The following CDH18 variants were observed in gnomAD, a reference collection of about 807,000 sequenced individuals.
The protein encoded by CDH18 is cadherin 18.
In CDH18, 31 loss-of-function variants were observed where a neutral mutation model predicts 67.9. The observed-to-expected ratio is 0.46, with a 90% confidence interval of 0.34 to 0.62. The LOEUF is 0.62. Among genes scored for constraint, CDH18 ranks in the 20% least tolerant of loss-of-function variants. CDH18 has a pLI of 0.01. For synonymous variants in CDH18, 362 were observed against 347.2 expected (o/e 1.04, Z -0.48); for missense variants, 890 against 975.5 (o/e 0.91, Z 1.17).
intron 1 of CDH18, among the ~76,000 whole-genome samples, chr5:20,311,084 AAAAAC>A (rs779090815): frequency 2.0e-5 from 3 of 152,120 alleles, no homozygotes; most frequent in Non-Finnish European, 4.4e-5. Context: ...CTGACCCTTA[AAAAAC>A]AAAACAAAAC....
chr5:19,616,113 TA>T (rs1263077357), intron 5 of CDH18, among the ~76,000 whole-genome samples: 1 of 152,134 alleles, frequency 6.6e-6, no homozygotes, highest in African/African-American at 2.4e-5. Flanking sequence ...TGAAATAAGT[TA>T]GGGGAAAATG....
At chr5:19,522,467 A>T (rs1747055903) in intron 9 of CDH18, among the ~76,000 whole-genome samples, 2 of 152,324 alleles carry the variant, frequency 1.3e-5, no homozygotes, top group East Asian at 3.9e-4. Context: ...AAATAAGGAC[A>T]TACCATCCAG....
intron 3 of CDH18, among the ~76,000 whole-genome samples, chr5:19,824,801 C>G (rs1780241886): frequency 2.0e-5 from 3 of 152,100 alleles, no homozygotes; most frequent in South Asian, 4.1e-4. Flanking sequence ...CCAATCCAAC[C>G]CTGCAACTGG....
At chr5:19,746,155 A>T (rs961675557) in intron 4 of CDH18, among the ~76,000 whole-genome samples, 12 of 152,182 alleles carry the variant, frequency 7.9e-5, no homozygotes, top group African/African-American at 2.7e-4. Context: ...CATCCCATGA[A>T]ATGAAAAATA....
intron 1 of CDH18, among the ~76,000 whole-genome samples, chr5:20,552,517 CTTCT>C (rs1757686181): frequency 1.3e-5 from 2 of 152,024 alleles, no homozygotes; most frequent in Non-Finnish European, 2.9e-5. Context: ...AATTTGTTTA[CTTCT>C]TTCTTCTCTA....
chr5:20,214,466 A>T (rs1453737620), intron 2 of CDH18, among the ~76,000 whole-genome samples: 1 of 152,132 alleles, frequency 6.6e-6, no homozygotes, highest in East Asian at 1.9e-4. Context: ...TCACCAAAAC[A>T]GCATAGTACT....
At chr5:20,101,899 C>T (rs928747370) in intron 2 of CDH18, among the ~76,000 whole-genome samples, 8 of 152,060 alleles carry the variant, frequency 5.3e-5, no homozygotes, top group Non-Finnish European at 2.9e-5. Context: ...TGGTGAAACC[C>T]CGTCTCTACT....
intron 10 of CDH18, among the ~76,000 whole-genome samples, chr5:19,509,174 T>A (rs149224479): frequency 1.3e-5 from 2 of 152,168 alleles, no homozygotes; most frequent in East Asian, 3.9e-4. Flanking sequence ...TGGCCAAGAA[T>A]GTTCTTAACT....
At chr5:19,913,804 C>T (rs552145699) in intron 2 of CDH18, among the ~76,000 whole-genome samples, 6 of 152,092 alleles carry the variant, frequency 3.9e-5, no homozygotes, top group Admixed American at 2.0e-4. Flanking sequence ...ATGATAATTA[C>T]GCCACCATTG....
chr5:19,475,533 A>AACACACAC (rs143709369), intron 12 of CDH18, among the ~76,000 whole-genome samples: 4 of 146,804 alleles, frequency 2.7e-5, no homozygotes, highest in African/African-American at 9.9e-5. Context: ...GACCATCTGC[A>AACACACAC]ACACACACAC....
chr5:20,027,429 G>C (rs1739008361), intron 2 of CDH18, among the ~76,000 whole-genome samples: 1 of 152,164 alleles, frequency 6.6e-6, no homozygotes, highest in Non-Finnish European at 1.5e-5. Flanking sequence ...GGTGACAATT[G>C]GTTATTAAAA....
chr5:19,697,143 CAG>C (rs1245351973), intron 5 of CDH18, among the ~76,000 whole-genome samples: 1 of 152,170 alleles, frequency 6.6e-6, no homozygotes, highest in Non-Finnish European at 1.5e-5. Flanking sequence ...TTAAGAAAAA[CAG>C]AAAATATCTA....
chr5:19,924,397 G>A (rs1792865589), intron 2 of CDH18, among the ~76,000 whole-genome samples: 1 of 152,118 alleles, frequency 6.6e-6, no homozygotes, highest in African/African-American at 2.4e-5. Context: ...AGCACTTTGG[G>A]AGGCTGAGGA....
chr5:20,474,919 C>T (rs1752333414), intron 1 of CDH18, among the ~76,000 whole-genome samples: 2 of 152,068 alleles, frequency 1.3e-5, no homozygotes, highest in Non-Finnish European at 2.9e-5. Context: ...ATTTATTGTG[C>T]TGTCTGCTTA....
At chr5:19,476,088 T>TG (rs1738415440) in intron 12 of CDH18, among the ~76,000 whole-genome samples, 1 of 151,974 alleles carries the variant, frequency 6.6e-6, no homozygotes, top group African/African-American at 2.4e-5. Flanking sequence ...GGATGGTCAC[T>TG]GTGCACTGGG....
intron 2 of CDH18, among the ~76,000 whole-genome samples, chr5:19,958,496 A>T (rs966416540): frequency 3.4e-4 from 52 of 151,878 alleles, no homozygotes; most frequent in South Asian, 4.1e-4. Context: ...ATGAACTGTA[A>T]ATGACCTGTG....
intron 3 of CDH18, among the ~76,000 whole-genome samples, chr5:19,755,468 C>A (rs1771467252): frequency 2.8e-5 from 1 of 35,426 alleles, no homozygotes; most frequent in African/African-American, 4.8e-5. Flanking sequence ...TACACACACA[C>A]ACACACATAC....
At chr5:19,580,681 G>A (rs907342377) in intron 7 of CDH18, among the ~76,000 whole-genome samples, 1 of 151,834 alleles carries the variant, frequency 6.6e-6, no homozygotes, top group Non-Finnish European at 1.5e-5. Context: ...AGATATAATT[G>A]TTCCCATCTA....
chr5:19,664,475 C>A (rs901813667), intron 5 of CDH18, among the ~76,000 whole-genome samples: 24 of 151,720 alleles, frequency 1.6e-4, no homozygotes, highest in East Asian at 1.2e-3. Context: ...AAAATTCAAT[C>A]TCAGTAAAAA....
Sources: gnomAD v4.1 joint callset for allele counts (sites outside exome capture counted in the v4.1 genomes callset) on GRCh38, gnomAD v4.1.1 for gene constraint, MANE v1.5 for transcripts, NCBI Gene and HGNC (gene_info 2026-07-23, HGNC 2026-07-21) for gene names.